Variants in ATG5 observed in about 807,000 individuals in gnomAD.
The protein encoded by ATG5 is autophagy protein 5.
A neutral mutation model predicts 36.5 loss-of-function variants in ATG5; 14 were observed. The ratio of observed to expected loss-of-function variants is 0.38; its 90% CI spans 0.25 to 0.60. The LOEUF (loss-of-function observed/expected upper bound fraction) is 0.60. Among genes scored for constraint, ATG5 ranks in the 20% least tolerant of loss-of-function variants. The probability of loss-of-function intolerance (pLI) is 0.60; values close to 1 mark genes in which losing one functional copy is unlikely to be tolerated. For missense variants in ATG5, 195 were observed against 326.7 expected (o/e 0.60, Z 3.11); for synonymous variants, 95 against 101.5 (o/e 0.94, Z 0.38).
At chr6:106,279,640 A>G in intron 5 of ATG5, 21 bp downstream of exon 5, 6 of 1,444,110 alleles carry the variant, frequency 4.2e-6, no homozygotes, top group Non-Finnish European at 4.6e-6. Context: ...GTATTCTAAA[A>G]TTAAACACTA....
intron 6 of ATG5, among the ~76,000 whole-genome samples, chr6:106,214,305 G>C (rs1776959351): frequency 6.6e-6 from 1 of 152,152 alleles, no homozygotes; most frequent in Non-Finnish European, 1.5e-5. Flanking sequence ...GTGGTAGAAA[G>C]AGGGGGAACA....
intron 5 of ATG5, among the ~76,000 whole-genome samples, chr6:106,258,379 A>G (rs1225596598): frequency 6.6e-6 from 1 of 152,112 alleles, no homozygotes; most frequent in Non-Finnish European, 1.5e-5. Context: ...CTGAATAAAA[A>G]AAAAAGGCTA....
chr6:106,264,712 T>G (rs145067694), intron 5 of ATG5, among the ~76,000 whole-genome samples: 2,266 of 152,256 alleles, frequency 0.015, 55 homozygotes, highest in African/African-American at 0.052. Context: ...GAAAAGAATT[T>G]TCAACCCAGA....
At chr6:106,211,061 A>C (rs1776833668) in intron 6 of ATG5, among the ~76,000 whole-genome samples, 1 of 152,216 alleles carries the variant, frequency 6.6e-6, no homozygotes, top group African/African-American at 2.4e-5. Context: ...TTTTACATAC[A>C]TTAAGAATTA....
intron 7 of ATG5, 48 bp from the exon 8 acceptor site, chr6:106,186,724 A>G (rs749682741): frequency 6.3e-7 from 1 of 1,593,534 alleles, no homozygotes; most frequent in Non-Finnish European, 8.6e-7. Flanking sequence ...AAACAGTTGA[A>G]GAAAAAATAA....
At chr6:106,250,283 G>A (rs1778521383) in intron 5 of ATG5, among the ~76,000 whole-genome samples, 1 of 152,038 alleles carries the variant, frequency 6.6e-6, no homozygotes, top group African/African-American at 2.4e-5. Context: ...TTACACCCCT[G>A]TCCTAAAAGA....
intron 4 of ATG5, among the ~76,000 whole-genome samples, chr6:106,280,693 T>A (rs1383059888): frequency 6.6e-6 from 1 of 152,168 alleles, no homozygotes; most frequent in Non-Finnish European, 1.5e-5. Context: ...TTAAAACTTT[T>A]TATATGGATT....
chr6:106,193,961 G>C (rs1032067191), intron 7 of ATG5, among the ~76,000 whole-genome samples: 4 of 152,064 alleles, frequency 2.6e-5, no homozygotes, highest in African/African-American at 9.7e-5. Context: ...TTCTCATTTT[G>C]GGAACAGTCA....
At chr6:106,271,992 G>T (rs1338331868) in intron 5 of ATG5, among the ~76,000 whole-genome samples, 3 of 152,150 alleles carry the variant, frequency 2.0e-5, no homozygotes, top group African/African-American at 7.2e-5. Flanking sequence ...AACTGCTTCA[G>T]GTCTTCATTT....
intron 1 of ATG5, among the ~76,000 whole-genome samples, chr6:106,318,444 A>G (rs984041702): frequency 6.6e-6 from 1 of 152,206 alleles, no homozygotes; most frequent in Non-Finnish European, 1.5e-5. Context: ...AGAGATACAA[A>G]TATAGACTTA....
chr6:106,263,046 G>A (rs1034350907), intron 5 of ATG5, among the ~76,000 whole-genome samples: 6 of 152,170 alleles, frequency 3.9e-5, no homozygotes, highest in Admixed American at 6.5e-5. Flanking sequence ...AAGTGGTCTC[G>A]CTCAGTGGGT....
chr6:106,206,094 A>G (rs1412844590), intron 6 of ATG5, among the ~76,000 whole-genome samples: 2 of 152,202 alleles, frequency 1.3e-5, no homozygotes, highest in Non-Finnish European at 2.9e-5. Context: ...GCGTCCCTCC[A>G]AAATTCATGC....
intron 6 of ATG5, among the ~76,000 whole-genome samples, chr6:106,222,479 G>A (rs942177269): frequency 1.3e-5 from 2 of 152,072 alleles, no homozygotes; most frequent in African/African-American, 2.4e-5. Flanking sequence ...ATTAAGGGGA[G>A]AACATTATGT....
intron 3 of ATG5, among the ~76,000 whole-genome samples, chr6:106,297,026 T>A (rs904761974): frequency 6.6e-6 from 1 of 152,234 alleles, no homozygotes; most frequent in African/African-American, 2.4e-5. Context: ...ATAGTGAAAT[T>A]GATCATTTAA....
At chr6:106,194,778 C>A (rs1776111722) in intron 7 of ATG5, among the ~76,000 whole-genome samples, 1 of 152,078 alleles carries the variant, frequency 6.6e-6, no homozygotes, top group African/African-American at 2.4e-5. Flanking sequence ...CTCAGGTGAT[C>A]CACCCGCCTA....
intron 6 of ATG5, among the ~76,000 whole-genome samples, chr6:106,225,617 C>A (rs1442872121): frequency 6.6e-6 from 1 of 152,144 alleles, no homozygotes; most frequent in Non-Finnish European, 1.5e-5. Flanking sequence ...TGAATATACT[C>A]TCCTCCATAA....
At chr6:106,227,031 G>C (rs1287937814) in intron 6 of ATG5, among the ~76,000 whole-genome samples, 1 of 152,080 alleles carries the variant, frequency 6.6e-6, no homozygotes, top group Non-Finnish European at 1.5e-5. Flanking sequence ...AAAAGGGTCA[G>C]AGTATCTGAA....
intron 6 of ATG5, among the ~76,000 whole-genome samples, chr6:106,230,512 T>C (rs994582298): frequency 3.3e-5 from 5 of 152,100 alleles, no homozygotes; most frequent in Admixed American, 6.5e-5. Flanking sequence ...GCTACATCAG[T>C]GAGCATAACT....
chr6:106,207,213 C>A (rs1484196412), intron 6 of ATG5, among the ~76,000 whole-genome samples: 1 of 152,136 alleles, frequency 6.6e-6, no homozygotes, highest in South Asian at 2.1e-4. Context: ...CTGGCTGCTC[C>A]CATCTCTCCT....
Sources: gnomAD v4.1 joint callset for allele counts (sites outside exome capture counted in the v4.1 genomes callset) on GRCh38, gnomAD v4.1.1 for gene constraint, MANE v1.5 for transcripts, NCBI Gene and HGNC (gene_info 2026-07-23, HGNC 2026-07-21) for gene names.